MAP3K4: variants seen among roughly 807,000 people sequenced by gnomAD.
The protein encoded by MAP3K4 is MAP three kinase 1.
In MAP3K4, 67 loss-of-function variants were observed where a neutral mutation model predicts 185.6. The observed-to-expected ratio is 0.36, with a 90% confidence interval of 0.30 to 0.44. The LOEUF is 0.44. MAP3K4 is among the 20% of genes least tolerant of loss of function. The probability of loss-of-function intolerance (pLI) is 1.00; values close to 1 mark genes in which losing one functional copy is unlikely to be tolerated. For missense variants in MAP3K4, 1,551 were observed against 1,995.1 expected (o/e 0.78, Z 4.24); for synonymous variants, 702 against 710.4 (o/e 0.99, Z 0.19).
At chr6:161,050,130 A>G in intron 3 of MAP3K4, 151 bp downstream of exon 3, 2 of 750,556 alleles carry the variant, frequency 2.7e-6, no homozygotes, top group Non-Finnish European at 4.3e-6. Flanking sequence ...TCTGTAAAGT[A>G]CTATGATTAA....
At position 161,049,106 on chromosome 6, in the gene MAP3K4, C is replaced by T. The variant is rs778265771; in HGVS notation, c.834C>T (p.Asn278=). ...CCTGGCATGCAGGACGGACAATTAA[C>T]GACCAGGACTTCTTTTTATATACAG... The part of the protein sequence containing the change: ...LQAWHAGRTI[N]DQDFFLYTAR... The change falls in exon 3 of 27, where the codon AAC becomes AAT. Residue 278 remains asparagine, a synonymous_variant. Transcript: ENST00000392142. The surrounding 1 kb of genome is among the most constrained non-coding windows in gnomAD (Gnocchi z 8.4). 20 of 1,614,160 alleles carry T rather than the reference C, an allele frequency of 1.2e-5. No homozygotes were observed. Among genetic ancestry groups the T allele is most frequent in the Non-Finnish European group, 1.4e-5 (17 of 1,180,016 alleles).
intron 3 of MAP3K4, among the ~76,000 whole-genome samples, chr6:161,060,411 T>A (rs988693911): frequency 6.6e-6 from 1 of 152,184 alleles, no homozygotes; most frequent in Non-Finnish European, 1.5e-5. Context: ...TATGTTTCAA[T>A]CCATGGATGT....
In MAP3K4 at chr6:161,101,183, G is replaced by A. The variant is rs1194144451; in HGVS notation, c.3675-709G>A. 2 of 151,868 alleles carry A rather than the reference G, an allele frequency of 1.3e-5. No individual in the cohort carries two copies. Among genetic ancestry groups the A allele is most frequent in the Non-Finnish European group, 2.9e-5 (2 of 67,978 alleles). 9.4% of individuals were successfully genotyped at this position (151,868 alleles called of 1,614,324 possible). A position where few individuals can be genotyped will look rare whatever the true frequency, so the allele number is the denominator to read the frequency against. On this transcript the variant is annotated intron_variant, in intron 17 of 26. Coordinates refer to ENST00000392142, the MANE Select transcript of MAP3K4 (RefSeq NM_005922.4). This position sits in a 1 kb window ranked among gnomAD's most constrained non-coding sequence, Gnocchi z 5.1. ...TTTAGTTTTAATTTTTACTCTTTATGGGTTCATTCTGGTTGCTGAACATTT... is the reference window on the plus strand; with the variant it reads ...TTTAGTTTTAATTTTTACTCTTTATAGGTTCATTCTGGTTGCTGAACATTT...
intron 3 of MAP3K4, among the ~76,000 whole-genome samples, chr6:161,062,204 C>T (rs1384544062): frequency 6.6e-6 from 1 of 151,974 alleles, no homozygotes; most frequent in African/African-American, 2.4e-5. Context: ...TTGGAATTAT[C>T]CTTTTATTTC....
In MAP3K4 at chr6:161,100,130, C is replaced by T. The variant is rs945028091; in HGVS notation, c.3674+1703C>T. On this transcript the variant is annotated intron_variant, in intron 17 of 26. Transcript: ENST00000392142. This position sits in a 1 kb window ranked among gnomAD's most constrained non-coding sequence, Gnocchi z 5.8. ...TGTGGGGTGGTTACCAGACTCCCTC[C>T]TGCATTCAAGCCCTGCGTAAGCCTC... 6.6e-6 allele frequency among the ~76,000 whole-genome samples: 1 copy of T among 152,196 alleles called. No individual in the cohort carries two copies. The highest frequency in any genetic ancestry group is 2.4e-5 in the African/African-American group (1 of 41,456).
Position 161,112,441 on chromosome 6 carries a change from A to T in MAP3K4, c.4520-227A>T, listed in dbSNP as rs1315430433. 1.3e-5 allele frequency among the ~76,000 whole-genome samples: 2 copies of T among 152,220 alleles called. No homozygotes were observed. The highest frequency in any genetic ancestry group is 2.9e-5 in the Non-Finnish European group (2 of 68,034). ...AATTTTCTATTTTCATTGTGAATAC[A>T]ATTAATTTGAAAATGTGTACATTCA... On this transcript the variant is annotated intron_variant, in intron 24 of 26. Transcript: ENST00000392142. The surrounding 1 kb of genome is among the most constrained non-coding windows in gnomAD (Gnocchi z 5.1).
In MAP3K4 at chr6:161,048,821, T is replaced by A. The variant is rs1783866853; in HGVS notation, c.549T>A (p.Asp183Glu). The change falls in exon 3 of 27, where the codon GAT becomes GAA. Residue 183 changes from aspartate to glutamate, a missense_variant. Physicochemically the swap from Asp to Glu is conservative, Grantham distance 45 (BLOSUM62 2). Transcript: ENST00000392142. This position sits in a 1 kb window ranked among gnomAD's most constrained non-coding sequence, Gnocchi z 4.7. Reference protein sequence around the residue: ...SLPKKSIPDVDLNKPYLSLGC... With the variant: ...SLPKKSIPDVELNKPYLSLGC... ...CAAAAAAATCAATTCCAGATGTGGATCTCAATAAGCCTTACCTCAGCCTTG... is the reference window on the plus strand; with the variant it reads ...CAAAAAAATCAATTCCAGATGTGGAACTCAATAAGCCTTACCTCAGCCTTG... 1 of 1,614,044 alleles carries A rather than the reference T, an allele frequency of 6.2e-7. No individual in the cohort carries two copies. The highest frequency in any genetic ancestry group is 1.7e-5 in the Admixed American group (1 of 59,986).
chr6:161,089,088 G>GTCAT (rs1254537854), intron 10 of MAP3K4, among the ~76,000 whole-genome samples: 1 of 152,130 alleles, frequency 6.6e-6, no homozygotes, highest in East Asian at 1.9e-4. Flanking sequence ...TCTCAAAGAT[G>GTCAT]TCATGCCTGC....
In MAP3K4 at chr6:161,092,918, T is replaced by C; in HGVS notation, c.3270-60T>C. On this transcript the variant is annotated intron_variant, in intron 13 of 26. Coordinates refer to ENST00000392142, the MANE Select transcript of MAP3K4 (RefSeq NM_005922.4). ...TGTTACTTTTCAGTATTGTACAGTC[T>C]AAAACTGCTACAGCGTTTTCTTGGT... is the stretch of plus-strand genomic sequence containing the variant. 9.8e-6 allele frequency: 10 copies of C among 1,024,250 alleles called. No individual in the cohort carries two copies. In the South Asian group the frequency reaches 1.3e-4, roughly 13 times the overall value. 63.4% of individuals were successfully genotyped at this position (1,024,250 alleles called of 1,614,324 possible).
intron 1 of MAP3K4, among the ~76,000 whole-genome samples, chr6:161,000,015 C>T (rs1781192867): frequency 6.6e-6 from 1 of 152,168 alleles, no homozygotes; most frequent in African/African-American, 2.4e-5. Context: ...TCGGTCTGTA[C>T]ATCAAGAAGA....
Position 161,098,523 on chromosome 6 carries a change from G to A in MAP3K4, c.3674+96G>A. On this transcript the variant is annotated intron_variant, in intron 17 of 26. Coordinates refer to ENST00000392142, the MANE Select transcript of MAP3K4 (RefSeq NM_005922.4). This position sits in a 1 kb window ranked among gnomAD's most constrained non-coding sequence, Gnocchi z 4.4. ...TAGGGTGTGTGCCGGCTGTGGTTGG[G>A]CTTCTTTGCTGTGGCGTGTGAGTGA... is the stretch of plus-strand genomic sequence containing the variant. 2 of 1,434,228 alleles carry A rather than the reference G, an allele frequency of 1.4e-6. 1 individual carries two copies. The highest frequency in any genetic ancestry group is 1.9e-6 in the Non-Finnish European group (2 of 1,072,528). The allele number at this position is 1,434,228 out of a possible 1,614,324, so 88.8% of individuals were successfully genotyped here.
In MAP3K4 at chr6:161,096,917, C is replaced by A; in HGVS notation, c.3428-163C>A. ...CTGACTTTTAAAAAGTGACATTTTC[C>A]ATAATATTTGTATATGTAATATTAT... On this transcript the variant is annotated intron_variant, in intron 15 of 26. Transcript: ENST00000392142. This position sits in a 1 kb window ranked among gnomAD's most constrained non-coding sequence, Gnocchi z 4.9. 9.6e-6 allele frequency: 5 copies of A among 520,354 alleles called. No homozygotes were observed. The highest frequency in any genetic ancestry group is 3.5e-5 in the South Asian group (1 of 28,290). The allele number at this position is 520,354 out of a possible 1,614,324, so 32.2% of individuals were successfully genotyped here. A position where few individuals can be genotyped will look rare whatever the true frequency, so the allele number is the denominator to read the frequency against.
chr6:161,000,266 C>A (rs745825771), intron 1 of MAP3K4, among the ~76,000 whole-genome samples: 5 of 152,122 alleles, frequency 3.3e-5, no homozygotes, highest in Non-Finnish European at 5.9e-5. Flanking sequence ...TAGGTTGTGA[C>A]CCTCAGTTTT....
Position 161,080,744 on chromosome 6 carries a change from C to A in MAP3K4, c.2098-137C>A, listed in dbSNP as rs1562526175. Reference sequence around the variant, plus strand: ...TCAGCTAACAGTGGTGAGAACCTTGCTTCTGTCGGTGCTGCGTGCCTGTGA... The same window carrying A: ...TCAGCTAACAGTGGTGAGAACCTTGATTCTGTCGGTGCTGCGTGCCTGTGA... On this transcript the variant is annotated intron_variant, in intron 5 of 26. Transcript: ENST00000392142. The surrounding 1 kb of genome is among the most constrained non-coding windows in gnomAD (Gnocchi z 4.8). 13 of 686,928 alleles carry A rather than the reference C, an allele frequency of 1.9e-5. No individual in the cohort carries two copies. The highest frequency in any genetic ancestry group is 3.3e-5 in the Non-Finnish European group (13 of 396,420). 42.6% of individuals were successfully genotyped at this position (686,928 alleles called of 1,614,324 possible). A position where few individuals can be genotyped will look rare whatever the true frequency, so the allele number is the denominator to read the frequency against.
Position 161,049,615 on chromosome 6 carries a change from A to G in MAP3K4, c.1343A>G (p.Glu448Gly), listed in dbSNP as rs760883264. 2.5e-6 allele frequency: 4 copies of G among 1,614,182 alleles called. No homozygotes were observed. Among genetic ancestry groups the G allele is most frequent in the Non-Finnish European group, 2.5e-6 (3 of 1,180,028 alleles). Residue 448 changes from glutamate to glycine, a missense_variant, in exon 3 of 27, where the codon GAA becomes GGA. Glu to Gly is a moderately conservative substitution (Grantham distance 98). Coordinates refer to ENST00000392142, the MANE Select transcript of MAP3K4 (RefSeq NM_005922.4). The surrounding 1 kb of genome is among the most constrained non-coding windows in gnomAD (Gnocchi z 8.4). Reference sequence around the variant, plus strand: ...CCGGAGTATGAGGGTGATGACACAGAAGGAGAATTAAAGGAGTTGGAAAGT... The same window carrying G: ...CCGGAGTATGAGGGTGATGACACAGGAGGAGAATTAAAGGAGTTGGAAAGT... The part of the protein sequence containing the change: ...NEPEYEGDDT[E>G]GELKELESST...
intron 15 of MAP3K4, among the ~76,000 whole-genome samples, chr6:161,094,642 CTG>C (rs918300736): frequency 1.3e-5 from 2 of 152,158 alleles, no homozygotes; most frequent in African/African-American, 4.8e-5. Flanking sequence ...TGAACACTAA[CTG>C]TATTTCATAT....
chr6:161,027,333 A>T (rs116855667), intron 1 of MAP3K4, among the ~76,000 whole-genome samples: 5,842 of 152,300 alleles, frequency 0.038, 151 homozygotes, highest in South Asian at 0.071. Flanking sequence ...TCAGTAGACT[A>T]TTATACAAAT....
chr6:161,093,186 TA>T lies in MAP3K4; in HGVS notation c.3348+132del. 2 of 622,604 alleles carry T rather than the reference TA, an allele frequency of 3.2e-6. No homozygotes were observed. The highest frequency in any genetic ancestry group is 5.5e-6 in the Non-Finnish European group (2 of 363,086). 38.6% of individuals were successfully genotyped at this position (622,604 alleles called of 1,614,324 possible). On this transcript the variant is annotated intron_variant, in intron 14 of 26. Coordinates refer to ENST00000392142, the MANE Select transcript of MAP3K4 (RefSeq NM_005922.4). The surrounding 1 kb of genome is among the most constrained non-coding windows in gnomAD (Gnocchi z 5.2). ...TTAATCTCAGCATATCATGTAATGA[TA>T]ATGCTGAGAAATTAAAGTACTCCTC...
At chr6:161,033,201 T>C (rs562059047) in intron 1 of MAP3K4, among the ~76,000 whole-genome samples, 2 of 152,212 alleles carry the variant, frequency 1.3e-5, no homozygotes, top group South Asian at 4.2e-4. Context: ...TAATTTGGAG[T>C]TATGTTTATA....
Sources: allele counts gnomAD v4.1 joint callset (sites outside exome capture counted in the v4.1 genomes callset), GRCh38; gene constraint gnomAD v4.1.1; non-coding constraint Gnocchi (gnomAD v3.1); transcripts MANE v1.5; gene names NCBI Gene and HGNC (gene_info 2026-07-23, HGNC 2026-07-21).